The following PRIM2 variants were observed in gnomAD, a reference collection of about 807,000 sequenced individuals.
PRIM2 encodes the protein DNA primase subunit 2, also known as DNA primase large subunit.
In PRIM2, 39 loss-of-function variants were observed where a neutral mutation model predicts 67.3. The ratio of observed to expected loss-of-function variants is 0.58; its 90% confidence interval spans 0.45 to 0.76. PRIM2 has a LOEUF of 0.76. Among genes scored for constraint, PRIM2 ranks in the 30% least tolerant of loss-of-function variants. The pLI, the probability that PRIM2 is intolerant of heterozygous loss-of-function variation, is 0.00. For missense variants in PRIM2, 398 were observed against 598.7 expected (o/e 0.66, Z 3.50); for synonymous variants, 143 against 198.7 (o/e 0.72, Z 2.36).
chr6:57,313,193 A>T (rs1453570461), upstream of PRIM2, among the ~76,000 whole-genome samples: 1 of 152,206 alleles, frequency 6.6e-6, no homozygotes, highest in Non-Finnish European at 1.5e-5. Context: ...CCACATTCTT[A>T]GCCAGCCTTT....
At chr6:57,339,171 G>T (rs1453516048) in intron 5 of PRIM2, among the ~76,000 whole-genome samples, 1 of 152,056 alleles carries the variant, frequency 6.6e-6, no homozygotes, top group Non-Finnish European at 1.5e-5. Flanking sequence ...CCTCTTCAAG[G>T]AGAACTACAA....
At chr6:57,589,160 G>A (rs1396214760) in intron 10 of PRIM2, among the ~76,000 whole-genome samples, 1 of 152,168 alleles carries the variant, frequency 6.6e-6, no homozygotes, top group Non-Finnish European at 1.5e-5. Context: ...AGGCAGATAA[G>A]TTGATTTAAA....
intron 5 of PRIM2, among the ~76,000 whole-genome samples, chr6:57,340,780 A>G (rs1040113272): frequency 1.3e-5 from 2 of 152,274 alleles, no homozygotes; most frequent in Middle Eastern, 6.8e-3. Flanking sequence ...TGGGTGCAGC[A>G]CACCAGCATG....
chr6:57,418,384 T>TTTTTTTTTTTTTTG (rs1771347248), intron 7 of PRIM2, among the ~76,000 whole-genome samples: 1 of 11,296 alleles, frequency 8.9e-5, no homozygotes, highest in Non-Finnish European at 1.7e-4. Flanking sequence ...ATGTGTGTGG[T>TTTTTTTTTTTTTTG]TTTTTTTTTT....
the PRIM2 span, among the ~76,000 whole-genome samples, chr6:57,243,351 G>A: frequency 6.6e-6 from 1 of 152,204 alleles, no homozygotes; most frequent in African/African-American, 2.4e-5. Flanking sequence ...ATGAGAAAGG[G>A]GGAAGAAAGA....
the PRIM2 span, among the ~76,000 whole-genome samples, chr6:57,277,128 A>T: frequency 6.6e-6 from 1 of 152,156 alleles, no homozygotes; most frequent in Non-Finnish European, 1.5e-5. Flanking sequence ...GTACAAGAAG[A>T]GGGAATGCTG....
intron 7 of PRIM2, among the ~76,000 whole-genome samples, chr6:57,487,651 A>G (rs1393920977): frequency 6.6e-6 from 1 of 152,266 alleles, no homozygotes; most frequent in Non-Finnish European, 1.5e-5. Flanking sequence ...CCATATGGCA[A>G]TAAATAATTT....
At chr6:57,386,345 G>T (rs371896086) in intron 7 of PRIM2, among the ~76,000 whole-genome samples, 10 of 145,942 alleles carry the variant, frequency 6.9e-5, no homozygotes, top group African/African-American at 2.6e-4. Context: ...TTGAGCCTGG[G>T]AGATCAAGGC....
intron 8 of PRIM2, among the ~76,000 whole-genome samples, chr6:57,526,685 C>T (rs1554349435): frequency 2.0e-5 from 3 of 152,102 alleles, no homozygotes; most frequent in Admixed American, 6.5e-5. Context: ...GAATCCCTTA[C>T]TTAAAAAACT....
chr6:57,550,789 T>A, intron 10 of PRIM2, among the ~76,000 whole-genome samples: 1 of 152,320 alleles, frequency 6.6e-6, no homozygotes, highest in Non-Finnish European at 1.5e-5. Context: ...AAAATATGTA[T>A]CTTCTTAAAA....
At chr6:57,439,408 T>G (rs1772124556) in intron 7 of PRIM2, among the ~76,000 whole-genome samples, 1 of 56,870 alleles carries the variant, frequency 1.8e-5, no homozygotes, top group Non-Finnish European at 3.3e-5. Flanking sequence ...TACTCTGTTT[T>G]TTTTTTTTTT....
At chr6:57,535,830 A>G (rs1774990597) in intron 9 of PRIM2, among the ~76,000 whole-genome samples, 1 of 152,012 alleles carries the variant, frequency 6.6e-6, no homozygotes, top group Non-Finnish European at 1.5e-5. Context: ...GCACTGCTGC[A>G]CTCCAGCCTG....
intron 7 of PRIM2, among the ~76,000 whole-genome samples, chr6:57,452,534 G>T (rs1297138607): frequency 2.6e-5 from 4 of 152,248 alleles, no homozygotes; most frequent in Non-Finnish European, 4.4e-5. Flanking sequence ...CTGATGGCCA[G>T]TGATGATGAG....
chr6:57,229,173 T>C, the PRIM2 span, among the ~76,000 whole-genome samples: 1 of 152,242 alleles, frequency 6.6e-6, no homozygotes, highest in African/African-American at 2.4e-5. Context: ...CTTCAAATAT[T>C]GCCTCTAACC....
intron 7 of PRIM2, among the ~76,000 whole-genome samples, chr6:57,462,832 T>A (rs1331617905): frequency 6.6e-6 from 1 of 152,316 alleles, no homozygotes; most frequent in East Asian, 1.9e-4. Flanking sequence ...CTCTTGAAAG[T>A]AGAGTCTTTA....
intron 10 of PRIM2, among the ~76,000 whole-genome samples, chr6:57,541,973 G>GTT (rs1161553496): frequency 3.0e-4 from 34 of 114,722 alleles, no homozygotes; most frequent in Non-Finnish European, 4.7e-4. Context: ...TTGTGTTTTG[G>GTT]TTTTTTTTTT....
At chr6:57,226,070 G>T in the PRIM2 span, among the ~76,000 whole-genome samples, 7 of 152,086 alleles carry the variant, frequency 4.6e-5, no homozygotes, top group Non-Finnish European at 8.8e-5. Flanking sequence ...AATACATATT[G>T]TGCCAAGGAC....
At chr6:57,501,593 C>T (rs1554346887) in intron 7 of PRIM2, among the ~76,000 whole-genome samples, 1 of 152,170 alleles carries the variant, frequency 6.6e-6, no homozygotes, top group African/African-American at 2.4e-5. Flanking sequence ...AGCCACTGTG[C>T]CTGGCTGGAT....
intron 7 of PRIM2, 124 bp from the exon 8 acceptor site, chr6:57,507,263 A>G (rs1774269865): frequency 2.4e-6 from 2 of 845,138 alleles, no homozygotes; most frequent in African/African-American, 3.5e-5. Flanking sequence ...AAAAAGAGAA[A>G]TAGAACCTTA....
Sources: gnomAD v4.1 joint callset for allele counts (sites outside exome capture counted in the v4.1 genomes callset) on GRCh38, gnomAD v4.1.1 for gene constraint, MANE v1.5 for transcripts, NCBI Gene and HGNC (gene_info 2026-07-23, HGNC 2026-07-21) for gene names.